The following ANKS1B variants were observed in gnomAD, a reference collection of about 807,000 sequenced individuals.
ANKS1B encodes the protein ankyrin repeat and sterile alpha motif domain-containing protein 1B.
A neutral mutation model predicts 148.3 loss-of-function variants in ANKS1B; 36 were observed. The observed-to-expected ratio is 0.24, with a 90% CI of 0.19 to 0.32. The LOEUF (loss-of-function observed/expected upper bound fraction) is 0.32, where lower values mean the gene tolerates loss of function less well. Ranked by LOEUF, ANKS1B falls within the 10% of genes least tolerant of loss-of-function variation. The pLI is 1.00. For missense variants in ANKS1B, 1,157 were observed against 1,542.6 expected, an observed-to-expected ratio of 0.75 and a Z score of 4.19; for synonymous variants, 542 against 560.8, an observed-to-expected ratio of 0.97 and a Z score of 0.47.
chr12:99,193,719 C>T (rs954461278), intron 14 of ANKS1B, among the ~76,000 whole-genome samples: 7 of 150,978 alleles, frequency 4.6e-5, no homozygotes, highest in Admixed American at 1.3e-4. Flanking sequence ...GACTTTCTTC[C>T]TGGCCTCTCT....
chr12:99,966,978 T>C (rs944179990), intron 1 of ANKS1B, among the ~76,000 whole-genome samples: 9 of 152,162 alleles, frequency 5.9e-5, no homozygotes, highest in African/African-American at 2.2e-4. Context: ...AGAGGAAGAT[T>C]GGCCAAGCAG....
At chr12:99,259,148 T>C (rs928341348) in intron 12 of ANKS1B, among the ~76,000 whole-genome samples, 1 of 152,188 alleles carries the variant, frequency 6.6e-6, no homozygotes, top group Non-Finnish European at 1.5e-5. Flanking sequence ...TAGAACCTCC[T>C]ATGGCATCAG....
At chr12:99,198,561 C>G (rs2081666713) in intron 14 of ANKS1B, among the ~76,000 whole-genome samples, 2 of 152,174 alleles carry the variant, frequency 1.3e-5, no homozygotes, top group South Asian at 4.1e-4. Context: ...TGTCTAAACT[C>G]TTCCTTCTAC....
chr12:99,596,510 G>A (rs775931864), intron 9 of ANKS1B, among the ~76,000 whole-genome samples: 47 of 151,780 alleles, frequency 3.1e-4, no homozygotes, highest in Non-Finnish European at 5.0e-4. Flanking sequence ...TGCAAATATG[G>A]TCATATTTTG....
intron 15 of ANKS1B, among the ~76,000 whole-genome samples, chr12:99,123,749 C>T (rs2063557638): frequency 6.6e-6 from 1 of 152,184 alleles, no homozygotes; most frequent in Non-Finnish European, 1.5e-5. Context: ...GGCCAGAAGA[C>T]TCAGCCAGTC....
intron 17 of ANKS1B, among the ~76,000 whole-genome samples, chr12:99,011,845 A>C (rs778014201): frequency 5.3e-5 from 8 of 152,234 alleles, no homozygotes; most frequent in Non-Finnish European, 1.2e-4. Context: ...TGTAAATACT[A>C]CAAAAATAAG....
intron 25 of ANKS1B, among the ~76,000 whole-genome samples, chr12:98,763,990 C>T (rs2098447454): frequency 1.3e-5 from 2 of 152,202 alleles, no homozygotes; most frequent in South Asian, 4.1e-4. Flanking sequence ...GCACTGCAGC[C>T]CAACACACTG....
intron 12 of ANKS1B, among the ~76,000 whole-genome samples, chr12:99,384,028 CAAAAT>C (rs769808086): frequency 1.8e-4 from 28 of 151,864 alleles, no homozygotes; most frequent in Non-Finnish European, 4.0e-4. Flanking sequence ...GACCCTGTCT[CAAAAT>C]AAGAGAGAAA....
chr12:99,593,030 G>A (rs1014262014), intron 9 of ANKS1B, among the ~76,000 whole-genome samples: 2 of 152,124 alleles, frequency 1.3e-5, no homozygotes, highest in African/African-American at 4.8e-5. Context: ...TTATTATGCA[G>A]ATGAAGCCTC....
chr12:99,202,417 A>C (rs772780845), intron 14 of ANKS1B, among the ~76,000 whole-genome samples: 6 of 152,208 alleles, frequency 3.9e-5, no homozygotes, highest in Non-Finnish European at 7.3e-5. Context: ...AGAAAGTCCT[A>C]TCTCTCTGTT....
At chr12:99,418,854 C>T (rs1009938829) in intron 11 of ANKS1B, among the ~76,000 whole-genome samples, 1 of 152,044 alleles carries the variant, frequency 6.6e-6, no homozygotes, top group Non-Finnish European at 1.5e-5. Context: ...TCTTAAAAAA[C>T]AAAACAACAT....
chr12:99,816,046 T>C (rs1045630218), intron 2 of ANKS1B, among the ~76,000 whole-genome samples: 8 of 151,844 alleles, frequency 5.3e-5, no homozygotes, highest in Non-Finnish European at 1.5e-5. Flanking sequence ...TTTAGTTCTT[T>C]AAGGAATCTC....
rs552218832 is a variant in ANKS1B at position 99,163,416 on chromosome 12, C to A, written c.2420-9021G>T. ...CAATATCACAGCCAGGTCATTGGCACTGAAAAAAATCCACTGACCCTGTTT... is the reference window on the plus strand; with the variant it reads ...CAATATCACAGCCAGGTCATTGGCAATGAAAAAAATCCACTGACCCTGTTT... On this transcript the variant is annotated intron_variant, in intron 14 of 26. Transcript: ENST00000683438. 2.6e-5 allele frequency among the ~76,000 whole-genome samples: 4 copies of A among 151,666 alleles called. No individual in the cohort carries two copies. The East Asian group carries it at 7.8e-4, about 30-fold the overall frequency.
chr12:99,016,254 T>C (rs1056860141), intron 17 of ANKS1B, among the ~76,000 whole-genome samples: 37 of 152,356 alleles, frequency 2.4e-4, no homozygotes, highest in African/African-American at 8.2e-4. Context: ...AACATAGCTA[T>C]GCCATTATTT....
intron 1 of ANKS1B, among the ~76,000 whole-genome samples, chr12:99,920,648 G>T (rs1473551674): frequency 6.6e-6 from 1 of 152,036 alleles, no homozygotes; most frequent in Admixed American, 6.6e-5. Flanking sequence ...AGCCGGTGGT[G>T]CGATTCAGAC....
rs6144833 is a variant in ANKS1B at position 99,888,969 on chromosome 12, A to AACACACACACACACACACACAC, written c.135-63602_135-63581dup. ...TGGAAAAATGGCTCACCTTCGCCAAAACACACACACACACACACACACACA... is the reference window on the plus strand; with the variant it reads ...TGGAAAAATGGCTCACCTTCGCCAAAACACACACACACACACACACACACACACACACACACACACACACACA... On this transcript the variant is annotated intron_variant, in intron 1 of 26. Coordinates refer to ENST00000683438, the MANE Select transcript of ANKS1B (RefSeq NM_001352186.2). 4.3e-4 allele frequency among the ~76,000 whole-genome samples: 63 copies of AACACACACACACACACACACAC among 147,300 alleles called. 1 individual carries two copies. The highest frequency in any genetic ancestry group is 9.6e-4 in the African/African-American group (38 of 39,612).
intron 1 of ANKS1B, among the ~76,000 whole-genome samples, chr12:99,981,888 T>C (rs2095707838): frequency 6.6e-6 from 1 of 152,128 alleles, no homozygotes; most frequent in African/African-American, 2.4e-5. Context: ...TTTCAAAGTG[T>C]CATTATGTTT....
chr12:99,145,758 G>A (rs2072840242), intron 15 of ANKS1B, among the ~76,000 whole-genome samples: 1 of 152,086 alleles, frequency 6.6e-6, no homozygotes, highest in Admixed American at 6.6e-5. Flanking sequence ...AGTGAAGGGA[G>A]AAGTGGTGAA....
At chr12:99,312,475 T>C (rs1291841318) in intron 12 of ANKS1B, among the ~76,000 whole-genome samples, 1 of 152,130 alleles carries the variant, frequency 6.6e-6, no homozygotes, top group Non-Finnish European at 1.5e-5. Flanking sequence ...TCTTTACAGT[T>C]ACAGTGAGAA....
Sources: allele counts gnomAD v4.1 joint callset (sites outside exome capture counted in the v4.1 genomes callset), GRCh38; gene constraint gnomAD v4.1.1; transcripts MANE v1.5; gene names NCBI Gene and HGNC (gene_info 2026-07-23, HGNC 2026-07-21).